ZRANB3: variants seen among roughly 807,000 people sequenced by gnomAD.
The protein encoded by ZRANB3 is zinc finger RANBP2-type containing 3.
A neutral mutation model predicts 133.8 loss-of-function variants in ZRANB3; 125 were observed. The ratio of observed to expected loss-of-function variants is 0.93; its 90% CI spans 0.81 to 1.08. ZRANB3 has a LOEUF of 1.08. Ranked by LOEUF, ZRANB3 falls within the 50% of genes least tolerant of loss-of-function variation. ZRANB3 has a pLI of 0.00. For synonymous variants in ZRANB3, 387 were observed against 432.7 expected (o/e 0.89, Z 1.31); for missense variants, 1,229 against 1,275.5 (o/e 0.96, Z 0.56).
intron 2 of ZRANB3, among the ~76,000 whole-genome samples, chr2:135,485,900 T>C (rs1459754033): frequency 1.3e-5 from 2 of 152,206 alleles, no homozygotes; most frequent in East Asian, 3.8e-4. Context: ...TCCTCAGACA[T>C]GAATAAGTAA....
intron 2 of ZRANB3, among the ~76,000 whole-genome samples, chr2:135,406,607 A>C (rs1455151995): frequency 1.3e-5 from 2 of 152,210 alleles, no homozygotes; most frequent in Non-Finnish European, 2.9e-5. Flanking sequence ...GCAGCACATC[A>C]AAAAGCTTAT....
At chr2:135,236,937 A>T (rs2105077135) in intron 12 of ZRANB3, among the ~76,000 whole-genome samples, 1 of 152,326 alleles carries the variant, frequency 6.6e-6, no homozygotes, top group African/African-American at 2.4e-5. Flanking sequence ...AAAATTGATA[A>T]ATGGGATCTA....
intron 2 of ZRANB3, among the ~76,000 whole-genome samples, chr2:135,503,698 T>C (rs1693046278): frequency 6.6e-6 from 1 of 152,126 alleles, no homozygotes; most frequent in Non-Finnish European, 1.5e-5. Context: ...CAGTGGCTCA[T>C]GCCTGTAATC....
rs1414348369 is a variant in ZRANB3 at position 135,353,436 on chromosome 2, A to G, written c.359+14T>C. ...GAAGACTTTTCTCCTTAAATATTAA[A>G]CAGTTGTTCTTACCTAACATCAGTT... On this transcript the variant is annotated intron_variant, in intron 4 of 20. Transcript: ENST00000264159. The G allele has an allele frequency of 2.6e-6, 4 of 1,539,714 alleles. No individual in the cohort carries two copies. The highest frequency in any genetic ancestry group is 3.5e-6 in the Non-Finnish European group (4 of 1,144,532).
intron 2 of ZRANB3, among the ~76,000 whole-genome samples, chr2:135,426,079 C>T (rs941049413): frequency 1.3e-5 from 2 of 151,978 alleles, no homozygotes; most frequent in East Asian, 3.9e-4. Context: ...AACTAGAAAA[C>T]GTAGAAGAAA....
Position 135,200,124 on chromosome 2 carries a change from C to A in ZRANB3, c.*218G>T, listed in dbSNP as rs1693558900. 6.4e-6 allele frequency: 4 copies of A among 621,582 alleles called. No homozygotes were observed. Among genetic ancestry groups the A allele is most frequent in the African/African-American group, 3.7e-5 (2 of 53,928 alleles). 38.5% of individuals were successfully genotyped at this position (621,582 alleles called of 1,614,324 possible). A position where few individuals can be genotyped will look rare whatever the true frequency, so the allele number is the denominator to read the frequency against. On this transcript the variant is annotated 3_prime_UTR_variant, in exon 21 of 21. Transcript: ENST00000264159. ...ACATAATTGCGAGTCTGAATCAAAT[C>A]AAAAAGACCACAGAAATATTCAGTA...
chr2:135,517,965 G>A (rs1459035312), intron 1 of ZRANB3, among the ~76,000 whole-genome samples: 4 of 152,148 alleles, frequency 2.6e-5, no homozygotes, highest in Non-Finnish European at 5.9e-5. Context: ...TCAGAGAGGA[G>A]GAATATAGAG....
chr2:135,389,732 T>C (rs760467488), intron 3 of ZRANB3, among the ~76,000 whole-genome samples: 3 of 151,990 alleles, frequency 2.0e-5, no homozygotes, highest in Non-Finnish European at 4.4e-5. Context: ...AGATAAGCCA[T>C]TGGTGGGAGT....
chr2:135,488,862 T>C (rs1281203196), intron 2 of ZRANB3, among the ~76,000 whole-genome samples: 1 of 150,298 alleles, frequency 6.7e-6, no homozygotes, highest in Non-Finnish European at 1.5e-5. Context: ...ATAGCATATA[T>C]GTTTTATTAT....
intron 6 of ZRANB3, among the ~76,000 whole-genome samples, chr2:135,333,631 G>C (rs958556964): frequency 6.6e-6 from 1 of 152,116 alleles, no homozygotes; most frequent in African/African-American, 2.4e-5. Flanking sequence ...ATAGGGACTA[G>C]GGGAGGCGGA....
chr2:135,484,422 T>A (rs551374033), intron 2 of ZRANB3, among the ~76,000 whole-genome samples: 34 of 152,290 alleles, frequency 2.2e-4, no homozygotes, highest in African/African-American at 8.2e-4. Context: ...CTGTATACTA[T>A]AAATTTCATG....
chr2:135,244,515 C>T (rs946158686), intron 12 of ZRANB3, among the ~76,000 whole-genome samples: 1 of 151,784 alleles, frequency 6.6e-6, no homozygotes, highest in Admixed American at 6.6e-5. Context: ...GGCTGACGCA[C>T]GAGAATCACT....
intron 3 of ZRANB3, among the ~76,000 whole-genome samples, chr2:135,382,108 G>C (rs577007047): frequency 6.6e-6 from 1 of 152,102 alleles, no homozygotes; most frequent in Non-Finnish European, 1.5e-5. Context: ...AAGATTAGAC[G>C]AAGGGCTAAC....
chr2:135,433,865 C>T (rs569162630), intron 2 of ZRANB3, among the ~76,000 whole-genome samples: 7 of 152,214 alleles, frequency 4.6e-5, no homozygotes, highest in East Asian at 3.9e-4. Context: ...GGCATGGTGA[C>T]GTGTGCCTGT....
intron 8 of ZRANB3, among the ~76,000 whole-genome samples, chr2:135,278,011 G>T (rs1473392913): frequency 6.7e-6 from 1 of 150,300 alleles, no homozygotes; most frequent in Non-Finnish European, 1.5e-5. Flanking sequence ...GAAAATATAT[G>T]AATAATAAAA....
chr2:135,295,958 G>C (rs1682053533), intron 8 of ZRANB3, among the ~76,000 whole-genome samples: 1 of 152,214 alleles, frequency 6.6e-6, no homozygotes, highest in Admixed American at 6.5e-5. Flanking sequence ...CTGTTAGTCT[G>C]ATGGGCTTCC....
chr2:135,472,425 G>A (rs550079772), intron 2 of ZRANB3, among the ~76,000 whole-genome samples: 149 of 151,676 alleles, frequency 9.8e-4, no homozygotes, highest in Middle Eastern at 6.8e-3. Flanking sequence ...GCGTGAACCC[G>A]GGAGGCGGAG....
chr2:135,227,665 G>A lies in ZRANB3; in HGVS notation c.2158+147C>T, dbSNP rs913966462. ...GCTCTTCTAGACATCTGGTGTTTAA[G>A]TATGTGGTTACAAATGGTTGGTATT... is the stretch of plus-strand genomic sequence containing the variant. On this transcript the variant is annotated intron_variant, in intron 14 of 20. Coordinates refer to ENST00000264159, the MANE Select transcript of ZRANB3 (RefSeq NM_032143.4). The A allele has an allele frequency of 3.9e-6, 3 of 765,592 alleles. No homozygotes were observed. In the East Asian group the frequency reaches 8.1e-5, roughly 21 times the overall value. The allele number at this position is 765,592 out of a possible 1,614,324, so 47.4% of individuals were successfully genotyped here.
At chr2:135,526,693 T>C (rs1456456629) in intron 1 of ZRANB3, among the ~76,000 whole-genome samples, 1 of 152,230 alleles carries the variant, frequency 6.6e-6, no homozygotes, top group Non-Finnish European at 1.5e-5. Context: ...TTAAAATCCA[T>C]ATTCTATAGT....
Sources: allele counts gnomAD v4.1 joint callset (sites outside exome capture counted in the v4.1 genomes callset), GRCh38; gene constraint gnomAD v4.1.1; transcripts MANE v1.5; gene names NCBI Gene and HGNC (gene_info 2026-07-23, HGNC 2026-07-21).